Variants in RTN4RL1 observed in about 807,000 individuals in gnomAD.
RTN4RL1 encodes reticulon 4 receptor like 1.
A neutral mutation model predicts 25.6 loss-of-function variants in RTN4RL1; 7 were observed. The ratio of observed to expected loss-of-function variants is 0.27; its 90% confidence interval spans 0.16 to 0.51. The LOEUF (loss-of-function observed/expected upper bound fraction) is 0.51, where lower values mean the gene tolerates loss of function less well. Ranked by LOEUF, RTN4RL1 falls within the 20% of genes least tolerant of loss-of-function variation. The pLI, the probability that RTN4RL1 is intolerant of heterozygous loss-of-function variation, is 0.97. For synonymous variants in RTN4RL1, 297 were observed against 288.2 expected (o/e 1.03, Z -0.31); for missense variants, 500 against 615.6 (o/e 0.81, Z 1.99).
At chr17:2,021,678 C>A (rs2067205544) in intron 1 of RTN4RL1, among the ~76,000 whole-genome samples, 1 of 150,718 alleles carries the variant, frequency 6.6e-6, no homozygotes, top group African/African-American at 2.4e-5. Context: ...CCTCAACTTC[C>A]CAAGGAGCTG....
chr17:1,985,936 G>A (rs900418059), intron 1 of RTN4RL1, among the ~76,000 whole-genome samples: 4 of 152,028 alleles, frequency 2.6e-5, no homozygotes, highest in Admixed American at 6.5e-5. Context: ...AAGCTGCCCC[G>A]CCTCTCAGCT....
intron 1 of RTN4RL1, among the ~76,000 whole-genome samples, chr17:1,953,143 C>T (rs1037837964): frequency 6.6e-6 from 1 of 151,470 alleles, no homozygotes; most frequent in Non-Finnish European, 1.5e-5. Context: ...CATGGTAGCT[C>T]ATGCCTGTAA....
At chr17:1,992,332 C>T (rs2066912859) in intron 1 of RTN4RL1, among the ~76,000 whole-genome samples, 1 of 143,832 alleles carries the variant, frequency 7.0e-6, no homozygotes, top group South Asian at 2.2e-4. Context: ...GCACTCCAGC[C>T]TGGGTGACAG....
intron 1 of RTN4RL1, among the ~76,000 whole-genome samples, chr17:1,948,013 C>T (rs1430244724): frequency 6.6e-6 from 1 of 152,328 alleles, no homozygotes; most frequent in South Asian, 2.1e-4. Context: ...GAGCTGCCCC[C>T]ACTCCTGCTT....
At chr17:1,950,223 C>T (rs899302383) in intron 1 of RTN4RL1, among the ~76,000 whole-genome samples, 8 of 152,050 alleles carry the variant, frequency 5.3e-5, no homozygotes, top group Non-Finnish European at 1.2e-4. Flanking sequence ...AGGGCAGGGG[C>T]CATGGAGACA....
intron 1 of RTN4RL1, among the ~76,000 whole-genome samples, chr17:1,945,849 C>T (rs897662674): frequency 6.6e-6 from 1 of 152,244 alleles, no homozygotes; most frequent in Non-Finnish European, 1.5e-5. Flanking sequence ...GTCACAATGG[C>T]TGGATGAAGG....
intron 1 of RTN4RL1, among the ~76,000 whole-genome samples, chr17:1,944,907 A>G (rs547836486): frequency 1.3e-5 from 2 of 152,296 alleles, no homozygotes; most frequent in South Asian, 4.1e-4. Flanking sequence ...CACAGTAGGC[A>G]GGGAGATCCA....
chr17:1,978,151 T>C (rs577808384), intron 1 of RTN4RL1, among the ~76,000 whole-genome samples: 61 of 152,334 alleles, frequency 4.0e-4, no homozygotes, highest in African/African-American at 1.4e-3. Flanking sequence ...TTGGGGCGGC[T>C]GCCAGGCCCT....
intron 1 of RTN4RL1, among the ~76,000 whole-genome samples, chr17:1,980,321 T>G (rs1421854754): frequency 6.6e-6 from 1 of 150,872 alleles, no homozygotes; most frequent in Non-Finnish European, 1.5e-5. Flanking sequence ...TCTGCCTGCC[T>G]CGGCCTCCCA....
At chr17:1,948,832 G>A (rs553854740) in intron 1 of RTN4RL1, among the ~76,000 whole-genome samples, 3 of 151,828 alleles carry the variant, frequency 2.0e-5, no homozygotes, top group South Asian at 2.1e-4. Flanking sequence ...AATCTCAGTC[G>A]CCCAGGCTGG....
intron 1 of RTN4RL1, among the ~76,000 whole-genome samples, chr17:1,940,143 G>C (rs1249673624): frequency 2.6e-5 from 4 of 152,242 alleles, no homozygotes; most frequent in African/African-American, 9.6e-5. Flanking sequence ...CCAGCTGTTG[G>C]GAGTTATGGG....
At chr17:1,956,442 G>A (rs1014710945) in intron 1 of RTN4RL1, among the ~76,000 whole-genome samples, 3 of 149,940 alleles carry the variant, frequency 2.0e-5, no homozygotes, top group Admixed American at 6.6e-5. Flanking sequence ...GGGCCTGGTG[G>A]GGGGGCGGGT....
chr17:2,005,735 C>T (rs1350605329), intron 1 of RTN4RL1, among the ~76,000 whole-genome samples: 2 of 101,520 alleles, frequency 2.0e-5, no homozygotes, highest in Admixed American at 9.9e-5. Flanking sequence ...ATCTCTCTCT[C>T]TCTTTCTCTC....
intron 1 of RTN4RL1, among the ~76,000 whole-genome samples, chr17:1,959,011 G>A (rs1269152141): frequency 2.6e-5 from 4 of 152,222 alleles, no homozygotes; most frequent in Admixed American, 6.5e-5. Flanking sequence ...GAAAAGACGC[G>A]GAGGGTGAGG....
At chr17:1,966,132 A>G (rs2151311576) in intron 1 of RTN4RL1, among the ~76,000 whole-genome samples, 2 of 152,226 alleles carry the variant, frequency 1.3e-5, no homozygotes, top group Middle Eastern at 6.8e-3. Context: ...CGGTATTCCC[A>G]GGAGACAGAT....
At chr17:1,947,952 G>GC (rs1172802693) in intron 1 of RTN4RL1, among the ~76,000 whole-genome samples, 2 of 152,170 alleles carry the variant, frequency 1.3e-5, no homozygotes, top group East Asian at 3.9e-4. Context: ...GGTTGTACGG[G>GC]TGGCCCTCCC....
Position 1,936,006 on chromosome 17 carries a change from C to T in RTN4RL1, c.*490G>A. The T allele has an allele frequency of 3.0e-6, 3 of 988,060 alleles. No homozygotes were observed. Among genetic ancestry groups the T allele is most frequent in the Non-Finnish European group, 2.4e-6 (2 of 831,546 alleles). The allele number at this position is 988,060 out of a possible 1,614,324, so 61.2% of individuals were successfully genotyped here. A position where few individuals can be genotyped will look rare whatever the true frequency, so the allele number is the denominator to read the frequency against. On this transcript the variant is annotated 3_prime_UTR_variant, in exon 2 of 2. Coordinates refer to ENST00000331238, the MANE Select transcript of RTN4RL1 (RefSeq NM_178568.4). ...GAATTCAGGGCAGGGTGACTGGCCT[C>T]AGGCAAGAGCCAAGATGCCACCTGC...
At chr17:1,942,073 C>G (rs1011979149) in intron 1 of RTN4RL1, among the ~76,000 whole-genome samples, 1 of 152,176 alleles carries the variant, frequency 6.6e-6, no homozygotes, top group Non-Finnish European at 1.5e-5. Flanking sequence ...GCCTCCTCGT[C>G]CCCTCCTGGG....
Position 1,936,680 on chromosome 17 carries a change from G to A in RTN4RL1, c.1142C>T (p.Ala381Val). 6.3e-7 allele frequency: 1 copy of A among 1,583,120 alleles called. No individual in the cohort carries two copies. Among genetic ancestry groups the A allele is most frequent in the Admixed American group, 1.8e-5 (1 of 54,244 alleles). ...GKQAPELPDY[A>V]PDYQHKFSFD... ...ACTGAACTTGTGCTGGTAGTCTGGG[G>A]CATAGTCTGGCAGCTCGGGGGCCTG... The change falls in exon 2 of 2, where the codon GCC becomes GTC. Residue 381 changes from alanine (A) to valine (V), a missense_variant. By Grantham distance (64) the Ala-to-Val change is moderately conservative. This residue lies in a region of RTN4RL1 where 268 missense variants were observed against 274.5 expected (regional missense o/e 0.98). Transcript: ENST00000331238.
Sources: gnomAD v4.1 joint callset for allele counts (sites outside exome capture counted in the v4.1 genomes callset) on GRCh38, gnomAD v4.1.1 for gene constraint, gnomAD v4.1.1 regional missense constraint, MANE v1.5 for transcripts, NCBI Gene and HGNC (gene_info 2026-07-23, HGNC 2026-07-21) for gene names.